RGS3: variants seen among roughly 807,000 people sequenced by gnomAD.
The protein encoded by RGS3 is regulator of G-protein signalling 3.
A neutral mutation model predicts 132.6 loss-of-function variants in RGS3; 80 were observed. That is an observed-to-expected ratio of 0.60 (90% confidence interval 0.50 to 0.73). The LOEUF is 0.73. RGS3 is among the 30% of genes least tolerant of loss of function. The probability of loss-of-function intolerance (pLI) is 0.00; values close to 1 mark genes in which losing one functional copy is unlikely to be tolerated. For synonymous variants in RGS3, 598 were observed against 620.6 expected, an observed-to-expected ratio of 0.96 and a Z score of 0.54; for missense variants, 1,382 against 1,530.8, an observed-to-expected ratio of 0.90 and a Z score of 1.62.
upstream of RGS3, among the ~76,000 whole-genome samples, chr9:113,457,596 G>A (rs985936217): frequency 6.6e-6 from 1 of 152,210 alleles, no homozygotes; most frequent in African/African-American, 2.4e-5. Flanking sequence ...GCCACTTTGA[G>A]CAAGAGGACT....
chr9:113,500,032 G>A (rs1427587224), intron 10 of RGS3, among the ~76,000 whole-genome samples: 1 of 152,128 alleles, frequency 6.6e-6, no homozygotes, highest in South Asian at 2.1e-4. Context: ...GAAATTACAT[G>A]GGCATCAACA....
chr9:113,446,732 C>T (rs1829107707), intron 1 of RGS3, among the ~76,000 whole-genome samples: 1 of 152,066 alleles, frequency 6.6e-6, no homozygotes, highest in Admixed American at 6.6e-5. Context: ...CAACTCTGAA[C>T]AATTTTGATG....
rs118177977 is a variant in RGS3, at chr9:113,582,126, A to G, written c.2038-1324A>G. On this transcript the variant is annotated intron_variant, in intron 19 of 24. Transcript: ENST00000350696. The stretch of plus-strand genomic sequence containing the variant: ...CAGCAGCCTGCAGCTGCCCCAAGCC[A>G]TGGCTGAACACTGACTCCCAGCTGT... 3,125 of 985,430 alleles carry G rather than the reference A, an allele frequency of 3.2e-3. 7 individuals are homozygous for G. The highest frequency in any genetic ancestry group is 3.5e-3 in the Non-Finnish European group (2,882 of 829,968). The allele number at this position is 985,430 out of a possible 1,614,324, so 61.0% of individuals were successfully genotyped here. A position where few individuals can be genotyped will look rare whatever the true frequency, so the allele number is the denominator to read the frequency against.
Position 113,537,035 on chromosome 9 carries a change from C to A in RGS3, c.2037+117C>A. Reference sequence around the variant, plus strand: ...CCTGAGCTTCCAACTTGGCTCTGGGCAATGAGCTCTTGGCAAGCGGGGACC... The same window carrying A: ...CCTGAGCTTCCAACTTGGCTCTGGGAAATGAGCTCTTGGCAAGCGGGGACC... On this transcript the variant is annotated intron_variant, in intron 19 of 24. Coordinates refer to ENST00000350696, the Ensembl canonical transcript of RGS3. The surrounding 1 kb of genome is among the most constrained non-coding windows in gnomAD (Gnocchi z 4.3). 1.1e-6 allele frequency: 1 copy of A among 951,260 alleles called. No homozygotes were observed. The highest frequency in any genetic ancestry group is 1.6e-6 in the Non-Finnish European group (1 of 636,670). The allele number at this position is 951,260 out of a possible 1,614,324, so 58.9% of individuals were successfully genotyped here.
intron 18 of RGS3, among the ~76,000 whole-genome samples, chr9:113,533,334 G>T (rs113596512): frequency 0.039 from 5,972 of 151,714 alleles, 164 homozygotes; most frequent in South Asian, 0.099. Context: ...GGGTTCAAGC[G>T]ATTCTCCTGC....
intron 7 of RGS3, among the ~76,000 whole-genome samples, chr9:113,490,711 TG>T (rs1830482432): frequency 7.0e-6 from 1 of 143,024 alleles, no homozygotes; most frequent in East Asian, 2.0e-4. Flanking sequence ...TATTTTATAT[TG>T]GTATATATAA....
intron 19 of RGS3, chr9:113,564,947 G>T: frequency 1.0e-6 from 1 of 999,204 alleles, no homozygotes; most frequent in Non-Finnish European, 1.2e-6. Context: ...TCGGTGATTG[G>T]CTTGGTCTTG....
At chr9:113,449,266 A>G (rs1829187012) in intron 1 of RGS3, among the ~76,000 whole-genome samples, 1 of 152,174 alleles carries the variant, frequency 6.6e-6, no homozygotes, top group South Asian at 2.1e-4. Context: ...ACAAAAGGAT[A>G]CTATGCAAAG....
intron 3 of RGS3, among the ~76,000 whole-genome samples, chr9:113,469,273 CCTGGCTGG>C (rs1353104307): frequency 3.9e-5 from 6 of 152,070 alleles, no homozygotes; most frequent in African/African-American, 1.2e-4. Context: ...GCCAGCTGCC[CCTGGCTGG>C]CACGTGTTTC....
chr9:113,553,477 T>A (rs1237079513), intron 19 of RGS3, among the ~76,000 whole-genome samples: 35 of 114,320 alleles, frequency 3.1e-4, no homozygotes, highest in African/African-American at 1.2e-3. Context: ...TATATATATA[T>A]ATATATATAT....
chr9:113,461,826 G>C, exon 2 of RGS3: 1 of 1,614,176 alleles, frequency 6.2e-7, no homozygotes, highest in Non-Finnish European at 8.5e-7. Context: ...TTTGGGAGGA[G>C]GCTCTACAGT....
At chr9:113,461,029 A>T (rs1345933415) in intron 1 of RGS3, among the ~76,000 whole-genome samples, 1 of 152,128 alleles carries the variant, frequency 6.6e-6, no homozygotes, top group Non-Finnish European at 1.5e-5. Flanking sequence ...ATATATATGC[A>T]TAGGATGCAT....
At chr9:113,472,145 G>A (rs1422956575) in intron 3 of RGS3, among the ~76,000 whole-genome samples, 1 of 152,128 alleles carries the variant, frequency 6.6e-6, no homozygotes, top group Non-Finnish European at 1.5e-5. Flanking sequence ...AGGGGAAATT[G>A]GAACCCTTGT....
intron 19 of RGS3, among the ~76,000 whole-genome samples, chr9:113,568,484 G>C (rs1038743524): frequency 2.0e-5 from 3 of 152,184 alleles, no homozygotes; most frequent in African/African-American, 7.2e-5. Flanking sequence ...GTACTGCCAG[G>C]TGCCTTCCAA....
At chr9:113,593,852 G>A in intron 21 of RGS3, 1 of 1,481,714 alleles carries the variant, frequency 6.7e-7, no homozygotes, top group Non-Finnish European at 9.2e-7. Flanking sequence ...GCCTCCCCTG[G>A]CTCCCTCCTT....
intron 19 of RGS3, among the ~76,000 whole-genome samples, chr9:113,549,028 T>G (rs1833225000): frequency 6.6e-6 from 1 of 152,226 alleles, no homozygotes; most frequent in Admixed American, 6.5e-5. Flanking sequence ...TTCTTTGGAC[T>G]GTCTGCAGGG....
chr9:113,582,122 A>G, intron 19 of RGS3: 2 of 985,462 alleles, frequency 2.0e-6, no homozygotes, highest in Non-Finnish European at 2.4e-6. Flanking sequence ...AGCTGCCCCA[A>G]GCCATGGCTG....
intron 18 of RGS3, among the ~76,000 whole-genome samples, chr9:113,536,088 T>A (rs1832664397): frequency 1.3e-5 from 2 of 152,114 alleles, no homozygotes; most frequent in Admixed American, 1.3e-4. Flanking sequence ...GGTTTGTAGT[T>A]TAGTTGGGGA....
chr9:113,524,325 C>T (rs1832100764), intron 17 of RGS3, among the ~76,000 whole-genome samples: 1 of 152,198 alleles, frequency 6.6e-6, no homozygotes, highest in Non-Finnish European at 1.5e-5. Context: ...GCTTCCCCCT[C>T]CCTGCCCCCA....
Sources: allele counts gnomAD v4.1 joint callset (sites outside exome capture counted in the v4.1 genomes callset), GRCh38; gene constraint gnomAD v4.1.1; non-coding constraint Gnocchi (gnomAD v3.1); transcripts MANE v1.5; gene names NCBI Gene and HGNC (gene_info 2026-07-23, HGNC 2026-07-21).